The following CEP112 variants were observed in gnomAD, a reference collection of about 807,000 sequenced individuals.
CEP112 encodes centrosomal protein 112.
A neutral mutation model predicts 153.0 loss-of-function variants in CEP112; 127 were observed. The observed-to-expected ratio is 0.83, with a 90% CI of 0.72 to 0.96. CEP112 has a LOEUF of 0.96. Among genes scored for constraint, CEP112 ranks in the 40% least tolerant of loss-of-function variants. The pLI, the probability that CEP112 is intolerant of heterozygous loss-of-function variation, is 0.00. For synonymous variants in CEP112, 358 were observed against 374.4 expected, an observed-to-expected ratio of 0.96 and a Z score of 0.51; for missense variants, 1,089 against 1,101.2, an observed-to-expected ratio of 0.99 and a Z score of 0.16.
chr17:66,010,464 T>C (rs2064470408), intron 16 of CEP112, among the ~76,000 whole-genome samples: 1 of 152,180 alleles, frequency 6.6e-6, no homozygotes, highest in South Asian at 2.1e-4. Flanking sequence ...TTCTCCTGCC[T>C]GATTGGTCTG....
chr17:65,737,083 T>G (rs2050845984), intron 23 of CEP112, among the ~76,000 whole-genome samples: 1 of 152,192 alleles, frequency 6.6e-6, no homozygotes, highest in Admixed American at 6.5e-5. Context: ...AGAAGATCCT[T>G]GTTAAATGTT....
intron 8 of CEP112, among the ~76,000 whole-genome samples, chr17:66,088,097 G>T (rs757807282): frequency 6.6e-6 from 1 of 151,840 alleles, no homozygotes; most frequent in African/African-American, 2.4e-5. Flanking sequence ...CCTAGTGCTG[G>T]ACTGACCCCA....
chr17:66,140,932 C>G (rs757046750), intron 4 of CEP112, among the ~76,000 whole-genome samples: 69 of 152,068 alleles, frequency 4.5e-4, no homozygotes, highest in Non-Finnish European at 9.7e-4. Flanking sequence ...CAGGTGTGAG[C>G]CACCGTGCCC....
intron 21 of CEP112, among the ~76,000 whole-genome samples, chr17:65,834,522 TA>T (rs1404603976): frequency 1.3e-5 from 2 of 151,744 alleles, no homozygotes; most frequent in African/African-American, 4.8e-5. Context: ...ACTACCCCAT[TA>T]AAAAGTTGGA....
At chr17:65,740,926 A>G (rs1000986046) in intron 23 of CEP112, among the ~76,000 whole-genome samples, 1 of 152,220 alleles carries the variant, frequency 6.6e-6, no homozygotes, top group African/African-American at 2.4e-5. Context: ...GAGAATATCT[A>G]TCTAGGTTCA....
chr17:66,130,732 C>T (rs562031575), intron 5 of CEP112, among the ~76,000 whole-genome samples: 4 of 149,578 alleles, frequency 2.7e-5, no homozygotes, highest in East Asian at 3.9e-4. Flanking sequence ...GCCAAGATCA[C>T]GCCACTGCAC....
chr17:65,887,255 C>T (rs181140052), intron 20 of CEP112, among the ~76,000 whole-genome samples: 402 of 152,210 alleles, frequency 2.6e-3, no homozygotes, highest in Non-Finnish European at 4.7e-3. Flanking sequence ...TGTCTTCCCA[C>T]CTGTAAAAAC....
At chr17:65,978,011 T>C (rs1390217241) in intron 17 of CEP112, among the ~76,000 whole-genome samples, 2 of 151,586 alleles carry the variant, frequency 1.3e-5, no homozygotes, top group Non-Finnish European at 2.9e-5. Flanking sequence ...GGAGGTGGAG[T>C]TTGTGGTGAG....
intron 6 of CEP112, among the ~76,000 whole-genome samples, chr17:66,117,784 C>T (rs985268954): frequency 3.3e-5 from 5 of 152,030 alleles, no homozygotes; most frequent in African/African-American, 7.2e-5. Context: ...AGATTAATGA[C>T]CAAAATACAT....
chr17:66,083,353 G>C (rs1440220594), intron 8 of CEP112, among the ~76,000 whole-genome samples: 1 of 152,110 alleles, frequency 6.6e-6, no homozygotes, highest in African/African-American at 2.4e-5. Flanking sequence ...ACAGAACTGT[G>C]AGTCCATTAA....
intron 17 of CEP112, among the ~76,000 whole-genome samples, chr17:66,004,257 G>A (rs148927292): frequency 0.04 from 6,078 of 151,954 alleles, 166 homozygotes; most frequent in South Asian, 0.11. Context: ...CGAGGCGGGC[G>A]GATCACGAGG....
At chr17:65,665,354 G>C (rs1285861570) in intron 24 of CEP112, among the ~76,000 whole-genome samples, 1 of 152,158 alleles carries the variant, frequency 6.6e-6, no homozygotes, top group Admixed American at 6.5e-5. Flanking sequence ...TGCAGACCCA[G>C]TATCAGGGGC....
chr17:66,151,572 C>T (rs2071211764), intron 4 of CEP112, among the ~76,000 whole-genome samples: 1 of 152,198 alleles, frequency 6.6e-6, no homozygotes, highest in African/African-American at 2.4e-5. Context: ...AAGATTCTAG[C>T]TTCCATCATG....
chr17:65,990,777 C>T (rs2063567161), intron 17 of CEP112, among the ~76,000 whole-genome samples: 1 of 152,218 alleles, frequency 6.6e-6, no homozygotes. Context: ...TAGAGGGGCA[C>T]ACAACCTACT....
chr17:65,844,781 C>T (rs1295504998), intron 21 of CEP112, among the ~76,000 whole-genome samples: 2 of 151,404 alleles, frequency 1.3e-5, no homozygotes, highest in African/African-American at 2.4e-5. Context: ...TTTGGGAGGT[C>T]GAGGTGGGCG....
intron 24 of CEP112, among the ~76,000 whole-genome samples, chr17:65,684,578 C>T (rs2047689924): frequency 6.6e-6 from 1 of 152,058 alleles, no homozygotes; most frequent in African/African-American, 2.4e-5. Context: ...TTTATCAAAC[C>T]AAATTATCTA....
intron 20 of CEP112, among the ~76,000 whole-genome samples, chr17:65,865,892 T>C (rs1035595438): frequency 1.3e-5 from 2 of 152,192 alleles, no homozygotes; most frequent in South Asian, 4.2e-4. Flanking sequence ...GACAGAGAGG[T>C]GCCCTGAGGC....
chr17:65,904,958 T>G (rs1276670518), intron 19 of CEP112, among the ~76,000 whole-genome samples: 1 of 152,130 alleles, frequency 6.6e-6, no homozygotes, highest in African/African-American at 2.4e-5. Context: ...TAACTCAAGA[T>G]GGATTAAAGA....
chr17:66,115,186 CAG>C (rs2088204580), intron 6 of CEP112, among the ~76,000 whole-genome samples: 1 of 151,896 alleles, frequency 6.6e-6, no homozygotes, highest in Non-Finnish European at 1.5e-5. Flanking sequence ...GCCTGGGTGA[CAG>C]AGACTGTCTC....
Sources: gnomAD v4.1 joint callset for allele counts (sites outside exome capture counted in the v4.1 genomes callset) on GRCh38, gnomAD v4.1.1 for gene constraint, MANE v1.5 for transcripts, NCBI Gene and HGNC (gene_info 2026-07-23, HGNC 2026-07-21) for gene names.